LRCH1: variants seen among roughly 807,000 people sequenced by gnomAD.
LRCH1 encodes leucine-rich repeat and calponin homology domain-containing protein 1.
In LRCH1, 23 loss-of-function variants were observed where a neutral mutation model predicts 94.9. The ratio of observed to expected loss-of-function variants is 0.24; its 90% CI spans 0.17 to 0.34. The LOEUF (loss-of-function observed/expected upper bound fraction) is 0.34, where lower values mean the gene tolerates loss of function less well. Among genes scored for constraint, LRCH1 ranks in the 10% least tolerant of loss-of-function variants. LRCH1 has a pLI of 1.00. For synonymous variants in LRCH1, 364 were observed against 354.9 expected (o/e 1.03, Z -0.29); for missense variants, 790 against 945.9 (o/e 0.84, Z 2.16).
At chr13:46,688,892 C>T (rs1485756204) in intron 6 of LRCH1, among the ~76,000 whole-genome samples, 3 of 152,172 alleles carry the variant, frequency 2.0e-5, no homozygotes, top group Non-Finnish European at 4.4e-5. Context: ...GAGCATAAAT[C>T]CATGAAACCC....
At chr13:46,556,786 T>G (rs1566140515) in intron 1 of LRCH1, among the ~76,000 whole-genome samples, 1 of 152,130 alleles carries the variant, frequency 6.6e-6, no homozygotes, top group Non-Finnish European at 1.5e-5. Context: ...GGTTGAGAGA[T>G]AGAATCTGGG....
At chr13:46,666,204 T>C (rs1173598846) in intron 2 of LRCH1, among the ~76,000 whole-genome samples, 1 of 152,172 alleles carries the variant, frequency 6.6e-6, no homozygotes, top group African/African-American at 2.4e-5. Context: ...AAATATGAGA[T>C]AGGCCATTCC....
rs1202962394 is a variant in LRCH1, at chr13:46,743,759, G to A, written c.*1911G>A. 3 of 984,604 alleles carry A rather than the reference G, an allele frequency of 3.0e-6. No homozygotes were observed. Among genetic ancestry groups the A allele is most frequent in the Non-Finnish European group, 3.6e-6 (3 of 829,538 alleles). 61.0% of individuals were successfully genotyped at this position (984,604 alleles called of 1,614,324 possible). On this transcript the variant is annotated 3_prime_UTR_variant, in exon 20 of 20. Coordinates refer to ENST00000389797, the MANE Select transcript of LRCH1 (RefSeq NM_001164211.2). The stretch of plus-strand genomic sequence containing the variant: ...GAAAAAAAAAAAGAAAACTTACTGG[G>A]TTGCCACCTTAAAATAATATCAATA...
intron 18 of LRCH1, among the ~76,000 whole-genome samples, chr13:46,733,462 GT>G (rs1873213258): frequency 6.6e-6 from 1 of 152,104 alleles, no homozygotes; most frequent in South Asian, 2.1e-4. Context: ...GGAAGTTGAT[GT>G]TTATGGTGTA....
At chr13:46,661,872 A>G (rs910738821) in intron 2 of LRCH1, among the ~76,000 whole-genome samples, 1 of 152,208 alleles carries the variant, frequency 6.6e-6, no homozygotes, top group African/African-American at 2.4e-5. Context: ...CTAAGTCAGT[A>G]TCAGTATCCC....
At chr13:46,566,474 T>G (rs2050185874) in intron 1 of LRCH1, among the ~76,000 whole-genome samples, 1 of 152,220 alleles carries the variant, frequency 6.6e-6, no homozygotes, top group South Asian at 2.1e-4. Context: ...GACTCATGTC[T>G]GGGTCCAGGG....
chr13:46,581,616 A>G (rs1181768944), intron 1 of LRCH1, among the ~76,000 whole-genome samples: 1 of 152,230 alleles, frequency 6.6e-6, no homozygotes, highest in African/African-American at 2.4e-5. Context: ...AATCTGGAGC[A>G]CAAATGTGTA....
At chr13:46,607,218 T>C (rs542233040) in intron 1 of LRCH1, among the ~76,000 whole-genome samples, 1 of 152,346 alleles carries the variant, frequency 6.6e-6, no homozygotes, top group South Asian at 2.1e-4. Context: ...CTGTAATTGA[T>C]GGATACCAAA....
chr13:46,742,574 G>C lies in LRCH1; in HGVS notation c.*726G>C. The C allele has an allele frequency of 2.0e-6, 2 of 985,464 alleles. No homozygotes were observed. Among genetic ancestry groups the C allele is most frequent in the Non-Finnish European group, 2.4e-6 (2 of 829,972 alleles). The allele number at this position is 985,464 out of a possible 1,614,324, so 61.0% of individuals were successfully genotyped here. On this transcript the variant is annotated 3_prime_UTR_variant, in exon 20 of 20. Transcript: ENST00000389797. ...GTTGCTGTTAGAGCCTCACGTGGAG[G>C]AGTCACTTAAACACCAGTTTTTTAC... is the stretch of plus-strand genomic sequence containing the variant.
intron 2 of LRCH1, 64 bp from the exon 3 acceptor site, chr13:46,668,966 G>T: frequency 1.9e-6 from 3 of 1,545,054 alleles, no homozygotes; most frequent in South Asian, 1.2e-5. Context: ...GTTAAAAACA[G>T]GTTCACAGAC....
At chr13:46,635,207 G>A (rs559290546) in intron 1 of LRCH1, among the ~76,000 whole-genome samples, 63 of 152,206 alleles carry the variant, frequency 4.1e-4, no homozygotes, top group Admixed American at 1.8e-3. Flanking sequence ...CACTCACACC[G>A]CCGTGCTCTT....
intron 1 of LRCH1, among the ~76,000 whole-genome samples, chr13:46,575,632 T>G (rs1306371227): frequency 6.6e-6 from 1 of 152,010 alleles, no homozygotes; most frequent in Admixed American, 6.6e-5. Context: ...CTTGTCAGCT[T>G]CTTGTGTTGA....
intron 5 of LRCH1, 118 bp from the exon 6 acceptor site, chr13:46,687,734 G>A: frequency 1.4e-6 from 1 of 712,540 alleles, no homozygotes; most frequent in Non-Finnish European, 2.2e-6. Context: ...AGTGTACATT[G>A]GTAGGGTGTT....
intron 7 of LRCH1, among the ~76,000 whole-genome samples, chr13:46,689,974 T>C (rs966358471): frequency 9.9e-5 from 15 of 152,220 alleles, no homozygotes; most frequent in African/African-American, 3.4e-4. Context: ...TTACTTTCTG[T>C]AGTTACTAAG....
chr13:46,590,401 C>A (rs772859268), intron 1 of LRCH1, among the ~76,000 whole-genome samples: 12 of 152,192 alleles, frequency 7.9e-5, no homozygotes, highest in Non-Finnish European at 5.9e-5. Context: ...ATGTCTAGCC[C>A]ACCATTCTAT....
intron 1 of LRCH1, among the ~76,000 whole-genome samples, chr13:46,576,846 T>G (rs1279127257): frequency 6.6e-6 from 1 of 152,222 alleles, no homozygotes; most frequent in East Asian, 1.9e-4. Flanking sequence ...ACATTTATGA[T>G]GGCACAGTTT....
At chr13:46,727,461 A>C (rs76773829) in intron 17 of LRCH1, among the ~76,000 whole-genome samples, 5,057 of 152,348 alleles carry the variant, frequency 0.033, 275 homozygotes, top group African/African-American at 0.12. Flanking sequence ...GGAGCAAGGC[A>C]GAAGAGGAAC....
intron 2 of LRCH1, 123 bp downstream of exon 2, chr13:46,650,468 C>G: frequency 1.4e-6 from 1 of 726,728 alleles, no homozygotes; most frequent in Non-Finnish European, 2.1e-6. Flanking sequence ...AGGTCACACA[C>G]AGATGTTTTA....
At chr13:46,701,063 A>C (rs1463063766) in intron 10 of LRCH1, 58 bp from the exon 11 acceptor site, 1 of 1,027,140 alleles carries the variant, frequency 9.7e-7, no homozygotes, top group African/African-American at 1.6e-5. Flanking sequence ...TTAAGAAATT[A>C]GATGATATTC....
Sources: allele counts gnomAD v4.1 joint callset (sites outside exome capture counted in the v4.1 genomes callset), GRCh38; gene constraint gnomAD v4.1.1; transcripts MANE v1.5; gene names NCBI Gene and HGNC (gene_info 2026-07-23, HGNC 2026-07-21).